Variants in RBFOX1 observed in about 807,000 individuals in gnomAD.
The protein encoded by RBFOX1 is RNA binding protein fox-1 homolog 1.
Under a neutral mutation model 57.7 loss-of-function variants are expected in RBFOX1, and 8 were observed. The ratio of observed to expected loss-of-function variants is 0.14; its 90% CI spans 0.08 to 0.25. RBFOX1 has a LOEUF of 0.25. RBFOX1 is among the 10% of genes least tolerant of loss of function. The pLI is 1.00. For missense variants in RBFOX1, 611 were observed against 548.5 expected, an observed-to-expected ratio of 1.11 and a Z score of -1.14; for synonymous variants, 326 against 222.4, an observed-to-expected ratio of 1.47 and a Z score of -4.15.
chr16:6,237,317 A>G (rs2097512545), intron 1 of RBFOX1, among the ~76,000 whole-genome samples: 1 of 152,222 alleles, frequency 6.6e-6, no homozygotes, highest in Admixed American at 6.5e-5. Flanking sequence ...TCCCTGTGGA[A>G]GAAGTTTGAG....
At chr16:5,495,418 AG>A (rs2042970737) in intron 2 of RBFOX1, among the ~76,000 whole-genome samples, 1 of 152,200 alleles carries the variant, frequency 6.6e-6, no homozygotes, top group Non-Finnish European at 1.5e-5. Flanking sequence ...GGTAACAGCA[AG>A]AGGAATATCC....
intron 1 of RBFOX1, among the ~76,000 whole-genome samples, chr16:5,364,477 A>G (rs2065648581): frequency 6.6e-6 from 1 of 152,238 alleles, no homozygotes; most frequent in East Asian, 1.9e-4. Context: ...CTCAGCCAAG[A>G]GGAACTTACT....
rs117882053 is a variant in RBFOX1, at chr16:7,261,270, A to G, written c.27+209172A>G. 5.8e-3 allele frequency among the ~76,000 whole-genome samples: 879 copies of G among 152,298 alleles called. 4 individuals carry two copies. The highest frequency in any genetic ancestry group is 0.012 in the South Asian group (60 of 4,814). ...AGTTCTGAGCATTAAAGGAGACAGT[A>G]TATGATGTATAAAGTGGAATTGATG... On this transcript the variant is annotated intron_variant, in intron 4 of 15. Coordinates refer to ENST00000550418, the MANE Select transcript of RBFOX1 (RefSeq NM_018723.4).
rs917096944 is a variant in RBFOX1, at chr16:7,648,310, C to T, written c.758-5505C>T. Among the ~76,000 whole-genome samples, 5 of 152,220 alleles carry T rather than the reference C, an allele frequency of 3.3e-5. No homozygotes were observed. In the South Asian group the frequency reaches 1.0e-3, roughly 32 times the overall value. The stretch of plus-strand genomic sequence containing the variant: ...TTTCTGCTCACTGCAACCTCCTCTA[C>T]CTCTCCTGGGTTCAAGCGATTCTCC... On this transcript the variant is annotated intron_variant, in intron 11 of 15. Transcript: ENST00000550418.
At position 6,446,089 on chromosome 16, in the gene RBFOX1, C is replaced by G. The variant is rs9927457; in HGVS notation, c.-64+129032C>G. On this transcript the variant is annotated intron_variant, in intron 2 of 15. Coordinates refer to ENST00000550418, the MANE Select transcript of RBFOX1 (RefSeq NM_018723.4). ...AAGCAATCCTCCCACCTCAACCTCT[C>G]AAGTAGCCAGGAATACATGCACGTG... Among the ~76,000 whole-genome samples, 558 of 152,262 alleles carry G rather than the reference C, an allele frequency of 3.7e-3. 3 individuals are homozygous for G. Among genetic ancestry groups the G allele is most frequent in the African/African-American group, 0.013 (536 of 41,550 alleles).
chr16:7,072,877 T>G (rs2057606332), intron 4 of RBFOX1, among the ~76,000 whole-genome samples: 1 of 152,044 alleles, frequency 6.6e-6, no homozygotes, highest in African/African-American at 2.4e-5. Context: ...AATTTACAAG[T>G]TGGGGATGAG....
At chr16:7,096,196 C>T (rs565851458) in intron 4 of RBFOX1, among the ~76,000 whole-genome samples, 75 of 152,122 alleles carry the variant, frequency 4.9e-4, no homozygotes, top group Non-Finnish European at 9.0e-4. Context: ...TGGTAACCAT[C>T]GAGCAAAAGT....
In RBFOX1 at chr16:6,394,043, C is replaced by T. The variant is rs141273658; in HGVS notation, c.-64+76986C>T. ...TATACTAAATTGTTACTCCTTATTA[C>T]CAACATGCATAGCATCCTGCAATGC... On this transcript the variant is annotated intron_variant, in intron 2 of 15. Coordinates refer to ENST00000550418, the MANE Select transcript of RBFOX1 (RefSeq NM_018723.4). 5.6e-4 allele frequency among the ~76,000 whole-genome samples: 85 copies of T among 152,322 alleles called. No homozygotes were observed. The East Asian group carries it at 0.016, about 28-fold the overall frequency.
At chr16:6,297,098 A>G (rs2078205835) in intron 1 of RBFOX1, among the ~76,000 whole-genome samples, 1 of 152,122 alleles carries the variant, frequency 6.6e-6, no homozygotes, top group Non-Finnish European at 1.5e-5. Context: ...ATAAACTGTC[A>G]TGGTGCTGGT....
At chr16:5,737,960 A>G (rs1317335672) in intron 3 of RBFOX1, among the ~76,000 whole-genome samples, 4 of 152,138 alleles carry the variant, frequency 2.6e-5, no homozygotes. Flanking sequence ...GCACCCGCCA[A>G]CCTGTCATCT....
At chr16:5,356,477 G>C (rs2065392344) in intron 1 of RBFOX1, among the ~76,000 whole-genome samples, 1 of 152,160 alleles carries the variant, frequency 6.6e-6, no homozygotes, top group South Asian at 2.1e-4. Context: ...GTCGCCTTGA[G>C]GACCATTGGT....
chr16:5,892,438 A>G (rs963534441), intron 4 of RBFOX1, among the ~76,000 whole-genome samples: 4 of 152,130 alleles, frequency 2.6e-5, no homozygotes, highest in African/African-American at 7.2e-5. Flanking sequence ...TCTCTAGACT[A>G]GGGGTAATGG....
intron 3 of RBFOX1, among the ~76,000 whole-genome samples, chr16:6,746,479 C>T: frequency 6.6e-6 from 1 of 152,056 alleles, no homozygotes; most frequent in South Asian, 2.1e-4. Context: ...GTGTTCAAGA[C>T]CAGTCTATGC....
rs890022127 is a variant in RBFOX1, at chr16:6,272,276, C to A, written c.-126-44719C>A. 4.6e-5 allele frequency among the ~76,000 whole-genome samples: 7 copies of A among 152,106 alleles called. No individual in the cohort carries two copies. In the East Asian group the frequency reaches 1.2e-3, roughly 25 times the overall value. ...TTCATGGCAAAAACTGTCAGAAAAA[C>A]AGGAATAAAGAGAATTGAATTTGTT... On this transcript the variant is annotated intron_variant, in intron 1 of 15. Coordinates refer to ENST00000550418, the MANE Select transcript of RBFOX1 (RefSeq NM_018723.4).
chr16:5,921,918 A>C (rs2058831539), intron 4 of RBFOX1, among the ~76,000 whole-genome samples: 1 of 152,024 alleles, frequency 6.6e-6, no homozygotes, highest in South Asian at 2.1e-4. Context: ...TTGGGAAGGC[A>C]AGGTGGGAGG....
chr16:5,756,649 C>T (rs143988850), intron 3 of RBFOX1, among the ~76,000 whole-genome samples: 1 of 152,278 alleles, frequency 6.6e-6, no homozygotes, highest in Non-Finnish European at 1.5e-5. Context: ...GCCTTTCCAG[C>T]CATCGAATGA....
At chr16:6,406,103 A>G (rs2093271855) in intron 2 of RBFOX1, among the ~76,000 whole-genome samples, 1 of 152,322 alleles carries the variant, frequency 6.6e-6, no homozygotes, top group Non-Finnish European at 1.5e-5. Flanking sequence ...ATGCTTCTCT[A>G]AACTTTTCCA....
At chr16:7,222,388 C>T (rs1181117301) in intron 4 of RBFOX1, among the ~76,000 whole-genome samples, 1 of 152,208 alleles carries the variant, frequency 6.6e-6, no homozygotes, top group Non-Finnish European at 1.5e-5. Flanking sequence ...TCCTCAGCAA[C>T]TAGAGTTTTC....
intron 3 of RBFOX1, among the ~76,000 whole-genome samples, chr16:5,799,783 A>G (rs1188219005): frequency 6.6e-6 from 1 of 152,214 alleles, no homozygotes; most frequent in African/African-American, 2.4e-5. Context: ...TTGTAAATTG[A>G]GGAGCTTCTG....
Sources: allele counts gnomAD v4.1 joint callset (sites outside exome capture counted in the v4.1 genomes callset), GRCh38; gene constraint gnomAD v4.1.1; transcripts MANE v1.5; gene names NCBI Gene and HGNC (gene_info 2026-07-23, HGNC 2026-07-21).